Variants in TRAPPC11 observed in about 807,000 individuals in gnomAD.
TRAPPC11 encodes the protein trafficking protein particle complex subunit 11.
TRAPPC11 carries 104 observed loss-of-function variants against 151.2 expected under a neutral mutation model. The observed-to-expected ratio is 0.69, with a 90% confidence interval of 0.59 to 0.81. The LOEUF (loss-of-function observed/expected upper bound fraction) is 0.81. TRAPPC11 is among the 30% of genes least tolerant of loss of function. TRAPPC11 has a pLI of 0.00. For synonymous variants in TRAPPC11, 456 were observed against 472.3 expected, an observed-to-expected ratio of 0.97 and a Z score of 0.45; for missense variants, 1,230 against 1,349.6, an observed-to-expected ratio of 0.91 and a Z score of 1.39.
chr4:183,681,366 T>C (rs993439192), intron 10 of TRAPPC11, among the ~76,000 whole-genome samples: 2 of 152,062 alleles, frequency 1.3e-5, no homozygotes, highest in African/African-American at 4.8e-5. Context: ...TTTTATTGTG[T>C]GTATTATATT....
At chr4:183,665,223 T>C (rs1023259803) in intron 2 of TRAPPC11, among the ~76,000 whole-genome samples, 7 of 150,528 alleles carry the variant, frequency 4.7e-5, no homozygotes, top group African/African-American at 1.7e-4. Flanking sequence ...GCCTCCCGAG[T>C]GGCTGGGACT....
chr4:183,694,690 T>C lies in TRAPPC11; in HGVS notation c.2595T>C (p.Val865=). Residue 865 remains valine, a synonymous_variant, in exon 23 of 30, where the codon GTT becomes GTC. Transcript: ENST00000334690. ...VYVSYLINTT[V]EEKEIVCKCH... ...TTTCTTACCTGATAAATACAACCGT[T>C]GAAGAAAAAGAAATTGTTTGCAAGT... is the stretch of plus-strand genomic sequence containing the variant. 1 of 1,609,100 alleles carries C rather than the reference T, an allele frequency of 6.2e-7. No homozygotes were observed. Among genetic ancestry groups the C allele is most frequent in the Non-Finnish European group, 8.5e-7 (1 of 1,178,932 alleles).
At chr4:183,678,729 G>A (rs1006358628) in intron 8 of TRAPPC11, among the ~76,000 whole-genome samples, 1 of 152,208 alleles carries the variant, frequency 6.6e-6, no homozygotes, top group Non-Finnish European at 1.5e-5. Context: ...AGATGGCTGA[G>A]AGACAGGAAT....
Position 183,691,342 on chromosome 4 carries a change from A to G in TRAPPC11, c.1920A>G (p.Glu640=), listed in dbSNP as rs540512136. ...AATACAACCAGTTCTGTGTAATAGAAGAAGCATCCAAAGCAAATGAAGTTT... is the reference window on the plus strand; with the variant it reads ...AATACAACCAGTTCTGTGTAATAGAGGAAGCATCCAAAGCAAATGAAGTTT... ...NQEYNQFCVI[E]EASKANEVLE... Residue 640 remains glutamate (E), a synonymous_variant, in exon 19 of 30, where the codon GAA becomes GAG. Transcript: ENST00000334690. The G allele has an allele frequency of 3.2e-6, 5 of 1,554,780 alleles. No individual in the cohort carries two copies. The highest frequency in any genetic ancestry group is 1.3e-5 in the South Asian group (1 of 79,268).
chr4:183,666,883 A>G, intron 3 of TRAPPC11, 177 bp from the exon 4 acceptor site: 1 of 515,830 alleles, frequency 1.9e-6, no homozygotes, highest in Non-Finnish European at 3.5e-6. Context: ...ATACTTTTAG[A>G]ATTTAAATCA....
At chr4:183,669,768 G>T (rs972194052) in intron 5 of TRAPPC11, among the ~76,000 whole-genome samples, 24 of 152,180 alleles carry the variant, frequency 1.6e-4, no homozygotes, top group Admixed American at 4.6e-4. Flanking sequence ...TGGCCGAAAT[G>T]TCAGCAGTGC....
At chr4:183,673,667 C>G (rs1735267119) in intron 5 of TRAPPC11, among the ~76,000 whole-genome samples, 1 of 151,946 alleles carries the variant, frequency 6.6e-6, no homozygotes, top group African/African-American at 2.4e-5. Context: ...GAGCGGGACC[C>G]TGTCTCAAAA....
chr4:183,698,899 A>G (rs1353216847), intron 25 of TRAPPC11, among the ~76,000 whole-genome samples: 1 of 152,092 alleles, frequency 6.6e-6, no homozygotes, highest in Non-Finnish European at 1.5e-5. Context: ...ACGCACATCT[A>G]TCCTTCACAC....
intron 7 of TRAPPC11, chr4:183,675,471 A>C (rs941106604): frequency 4.0e-6 from 1 of 252,184 alleles, no homozygotes; most frequent in African/African-American, 2.2e-5. Flanking sequence ...TTGATTAATT[A>C]AATTTTATGA....
intron 26 of TRAPPC11, among the ~76,000 whole-genome samples, chr4:183,703,284 T>C (rs553198011): frequency 6.6e-6 from 1 of 152,330 alleles, no homozygotes; most frequent in South Asian, 2.1e-4. Flanking sequence ...ATGTGAGTTA[T>C]ATGCATAAAT....
chr4:183,675,132 T>C (rs758134211), intron 6 of TRAPPC11, 32 bp from the exon 7 acceptor site: 9 of 1,141,678 alleles, frequency 7.9e-6, no homozygotes, highest in Non-Finnish European at 9.8e-6. Context: ...AAATAGAATA[T>C]GTATAATAGT....
Position 183,685,135 on chromosome 4 carries a change from A to C in TRAPPC11, c.1619A>C (p.Asn540Thr). Residue 540 changes from asparagine (N) to threonine (T), a missense_variant, in exon 16 of 30, where the codon AAT becomes ACT. Transcript: ENST00000334690. ...TCTCGGATAGAAAAGAACCTCATAA[A>C]TGTTTTAATGGTAGGTTGGAATTGT... ...QKSRIEKNLI[N>T]VLMNESPDPE... The C allele has an allele frequency of 6.2e-7, 1 of 1,613,958 alleles. No individual in the cohort carries two copies.
At chr4:183,660,617 A>G (rs887506517) in intron 1 of TRAPPC11, among the ~76,000 whole-genome samples, 4 of 152,150 alleles carry the variant, frequency 2.6e-5, no homozygotes, top group Non-Finnish European at 4.4e-5. Flanking sequence ...GACCACAGCT[A>G]TGTCTTTTGG....
intron 25 of TRAPPC11, among the ~76,000 whole-genome samples, chr4:183,700,348 A>G (rs1185318255): frequency 2.6e-5 from 4 of 152,174 alleles, no homozygotes; most frequent in Admixed American, 6.5e-5. Context: ...CACTGTTGTT[A>G]TCTGTCCACA....
intron 3 of TRAPPC11, chr4:183,666,745 A>G: frequency 2.6e-6 from 1 of 384,936 alleles, no homozygotes; most frequent in Non-Finnish European, 4.6e-6. Context: ...CAAATAATTA[A>G]TTCTTTTGGA....
Position 183,712,826 on chromosome 4 carries a change from GTTT to G in TRAPPC11, c.*183_*185del. 1 of 509,090 alleles carries G rather than the reference GTTT, an allele frequency of 2.0e-6. No individual in the cohort carries two copies. Among genetic ancestry groups the G allele is most frequent in the Non-Finnish European group, 3.5e-6 (1 of 289,252 alleles). 31.5% of individuals were successfully genotyped at this position (509,090 alleles called of 1,614,324 possible). ...AAATATTAGGAAAATCTGTCTTATA[GTTT>G]CTCTAATAAATATCTGAAATCTCAG... On this transcript the variant is annotated 3_prime_UTR_variant, in exon 30 of 30. Transcript: ENST00000334690.
At chr4:183,666,208 G>A (rs1168040916) in intron 2 of TRAPPC11, 49 bp from the exon 3 acceptor site, 1 of 1,567,592 alleles carries the variant, frequency 6.4e-7, no homozygotes, top group East Asian at 2.3e-5. Flanking sequence ...AGTAACAGGT[G>A]GTTTCTGCTC....
rs189866563 is a variant in TRAPPC11, at chr4:183,704,965, C to G, written c.2964-14C>G. On this transcript the variant is annotated splice_polypyrimidine_tract_variant and intron_variant, in intron 26 of 29. Coordinates refer to ENST00000334690, the MANE Select transcript of TRAPPC11 (RefSeq NM_021942.6). Reference sequence around the variant, plus strand: ...TTTAAAAAGAGTTTAAAAAGATGACCTCTTCTGCCACAGGACCTCAGCAAT... The same window carrying G: ...TTTAAAAAGAGTTTAAAAAGATGACGTCTTCTGCCACAGGACCTCAGCAAT... 5.5e-5 allele frequency: 84 copies of G among 1,533,588 alleles called. No homozygotes were observed. The African/African-American group carries it at 1.1e-3, about 19-fold the overall frequency. The allele number at this position is 1,533,588 out of a possible 1,614,324, so 95.0% of individuals were successfully genotyped here.
intron 25 of TRAPPC11, 145 bp from the exon 26 acceptor site, chr4:183,701,552 A>G: frequency 3.4e-6 from 2 of 581,166 alleles, no homozygotes; most frequent in Non-Finnish European, 6.1e-6. Context: ...AAAGTCATTT[A>G]ACATCTCTGA....
Sources: gnomAD v4.1 joint callset for allele counts (sites outside exome capture counted in the v4.1 genomes callset) on GRCh38, gnomAD v4.1.1 for gene constraint, MANE v1.5 for transcripts, NCBI Gene and HGNC (gene_info 2026-07-23, HGNC 2026-07-21) for gene names.